ARHGEF12: variants seen among roughly 807,000 people sequenced by gnomAD.
ARHGEF12 encodes KMT2A/ARHGEF12 fusion protein.
Under a neutral mutation model 211.2 loss-of-function variants are expected in ARHGEF12, and 66 were observed. That is an observed-to-expected ratio of 0.31 (90% CI 0.26 to 0.38). The LOEUF (loss-of-function observed/expected upper bound fraction) is 0.38, where lower values mean the gene tolerates loss of function less well. Ranked by LOEUF, ARHGEF12 falls within the 10% of genes least tolerant of loss-of-function variation. The pLI is 1.00. For synonymous variants in ARHGEF12, 592 were observed against 638.4 expected, an observed-to-expected ratio of 0.93 and a Z score of 1.09; for missense variants, 1,429 against 1,869.5, an observed-to-expected ratio of 0.76 and a Z score of 4.34.
In ARHGEF12 at chr11:120,428,185, TCTC is replaced by T; in HGVS notation, c.527_529del (p.Pro176del). 6.2e-7 allele frequency: 1 copy of T among 1,611,862 alleles called. No homozygotes were observed. Among genetic ancestry groups the T allele is most frequent in the Non-Finnish European group, 8.5e-7 (1 of 1,179,118 alleles). On this transcript the variant is annotated inframe_deletion, in exon 8 of 41. Transcript: ENST00000397843. ...TGGACATATGTCTCCCATCATGACA[TCTC>T]CTCATTCACCTGGAGCATCTGGGAA... is the stretch of plus-strand genomic sequence containing the variant.
At chr11:120,460,642 A>G in intron 26 of ARHGEF12, 30 bp from the exon 27 acceptor site, 2 of 1,584,966 alleles carry the variant, frequency 1.3e-6, no homozygotes, top group Non-Finnish European at 1.7e-6. Flanking sequence ...TGAATGTGTT[A>G]CTAACGTTTT....
chr11:120,472,406 A>C (rs1037610848), intron 30 of ARHGEF12, among the ~76,000 whole-genome samples: 1 of 152,188 alleles, frequency 6.6e-6, no homozygotes, highest in African/African-American at 2.4e-5. Flanking sequence ...GGGTGGGGCA[A>C]TAGGACAAGG....
At chr11:120,416,644 A>G (rs1166745491) in intron 4 of ARHGEF12, among the ~76,000 whole-genome samples, 1 of 152,068 alleles carries the variant, frequency 6.6e-6, no homozygotes, top group Non-Finnish European at 1.5e-5. Flanking sequence ...AAACTTAGAC[A>G]TAAATCATAA....
At position 120,351,447 on chromosome 11, in the gene ARHGEF12, A is replaced by T. The variant is rs1565420824; in HGVS notation, c.32+14172A>T. Among the ~76,000 whole-genome samples, 7 of 3,702 alleles carry T rather than the reference A, an allele frequency of 1.9e-3. 1 individual carries two copies. Among genetic ancestry groups the T allele is most frequent in the South Asian group, 0.029 (1 of 34 alleles). The allele number at this position is 3,702 out of a possible 152,430, so 2.4% of individuals were successfully genotyped here. A position where few individuals can be genotyped will look rare whatever the true frequency, so the allele number is the denominator to read the frequency against. On this transcript the variant is annotated intron_variant, in intron 1 of 40. Coordinates refer to ENST00000397843, the MANE Select transcript of ARHGEF12 (RefSeq NM_015313.3). ...TATATATATATATATATATATATATATATATATATTTTTTTTTTTTTTTTT... is the reference window on the plus strand; with the variant it reads ...TATATATATATATATATATATATATTTATATATATTTTTTTTTTTTTTTTT...
intron 1 of ARHGEF12, among the ~76,000 whole-genome samples, chr11:120,342,120 AT>A (rs1942555152): frequency 6.6e-6 from 1 of 151,584 alleles, no homozygotes. Context: ...CAAGTCCCCC[AT>A]TGTTTTTTTT....
intron 1 of ARHGEF12, among the ~76,000 whole-genome samples, chr11:120,379,981 G>C (rs1943834460): frequency 6.6e-6 from 1 of 151,994 alleles, no homozygotes; most frequent in Non-Finnish European, 1.5e-5. Context: ...AAATTTTTTG[G>C]GAAGTGTCAT....
Position 120,476,934 on chromosome 11 carries a change from T to A in ARHGEF12, c.3365+186T>A, listed in dbSNP as rs184950137. 9 of 597,500 alleles carry A rather than the reference T, an allele frequency of 1.5e-5. No individual in the cohort carries two copies. In the East Asian group the frequency reaches 2.2e-4, roughly 15 times the overall value. 37.0% of individuals were successfully genotyped at this position (597,500 alleles called of 1,614,324 possible). The stretch of plus-strand genomic sequence containing the variant: ...GATGCCTTTTATTTTGATTCTATTC[T>A]GAAAGTTTATTTCCTAAAGAAAAAA... On this transcript the variant is annotated intron_variant, in intron 34 of 40. Transcript: ENST00000397843.
At chr11:120,441,427 A>G (rs1270656304) in intron 13 of ARHGEF12, among the ~76,000 whole-genome samples, 1 of 152,160 alleles carries the variant, frequency 6.6e-6, no homozygotes, top group Non-Finnish European at 1.5e-5. Context: ...TGTTTTTTAC[A>G]TACTGATTTG....
intron 26 of ARHGEF12, among the ~76,000 whole-genome samples, chr11:120,459,754 G>A (rs773594580): frequency 6.6e-6 from 1 of 152,158 alleles, no homozygotes; most frequent in Non-Finnish European, 1.5e-5. Context: ...TGTTGCCCAA[G>A]CTGGAGTGCA....
chr11:120,373,947 A>G (rs1307448289), intron 1 of ARHGEF12, among the ~76,000 whole-genome samples: 1 of 152,146 alleles, frequency 6.6e-6, no homozygotes. Flanking sequence ...AGCTGGGATT[A>G]CAGGCATGCA....
chr11:120,385,905 A>C (rs1294325941), intron 1 of ARHGEF12, among the ~76,000 whole-genome samples: 3 of 152,032 alleles, frequency 2.0e-5, no homozygotes, highest in Non-Finnish European at 4.4e-5. Context: ...ATGCTTCAGG[A>C]TGGTTGTTTC....
chr11:120,409,298 T>C, intron 3 of ARHGEF12, 96 bp from the exon 4 acceptor site: 2 of 1,251,806 alleles, frequency 1.6e-6, no homozygotes, highest in Non-Finnish European at 2.3e-6. Flanking sequence ...ACGATTTAAC[T>C]TGATCATGAT....
rs183438809 is a variant in ARHGEF12 at position 120,339,260 on chromosome 11, A to G, written c.32+1985A>G. On this transcript the variant is annotated intron_variant, in intron 1 of 40. Coordinates refer to ENST00000397843, the MANE Select transcript of ARHGEF12 (RefSeq NM_015313.3). ...TATTAAGAATTATTCTTATTTGACC[A>G]CATTTAAATATATTTTGTAAATATA... is the stretch of plus-strand genomic sequence containing the variant. Among the ~76,000 whole-genome samples, 4 of 152,038 alleles carry G rather than the reference A, an allele frequency of 2.6e-5. No individual in the cohort carries two copies. In the East Asian group the frequency reaches 7.7e-4, roughly 29 times the overall value.
At chr11:120,434,414 C>A (rs1452421104) in intron 11 of ARHGEF12, among the ~76,000 whole-genome samples, 2 of 152,182 alleles carry the variant, frequency 1.3e-5, no homozygotes, top group Admixed American at 6.5e-5. Context: ...GCTAGGCTAT[C>A]TTCTGAACAC....
Position 120,478,222 on chromosome 11 carries a change from C to T in ARHGEF12, c.3599C>T (p.Ser1200Phe). The change falls in exon 37 of 41, where the codon TCT (serine) becomes TTT (phenylalanine). Residue 1200 changes from serine to phenylalanine, a missense_variant. Physicochemically the swap from Ser to Phe is radical, Grantham distance 155. Transcript: ENST00000397843. ...CCTCAGTCTCATTCACTGAGTACCT[C>T]TGGGAAATCAGAGGTACGTGATCTG... is the stretch of plus-strand genomic sequence containing the variant. ...SKPQSHSLST[S>F]GKSEVRDLFV... The T allele has an allele frequency of 3.1e-6, 5 of 1,614,138 alleles. No homozygotes were observed. The highest frequency in any genetic ancestry group is 4.2e-6 in the Non-Finnish European group (5 of 1,180,034).
At chr11:120,340,469 G>A (rs900392354) in intron 1 of ARHGEF12, among the ~76,000 whole-genome samples, 4 of 152,108 alleles carry the variant, frequency 2.6e-5, no homozygotes, top group African/African-American at 9.7e-5. Context: ...ACTGAATTCA[G>A]CTTTGAGCTG....
At chr11:120,471,223 A>G (rs1946854609) in intron 30 of ARHGEF12, among the ~76,000 whole-genome samples, 1 of 152,196 alleles carries the variant, frequency 6.6e-6, no homozygotes, top group African/African-American at 2.4e-5. Flanking sequence ...GAATTTATCA[A>G]CAGAATGGAT....
intron 7 of ARHGEF12, among the ~76,000 whole-genome samples, chr11:120,424,737 A>G (rs1014114766): frequency 2.0e-5 from 3 of 152,206 alleles, no homozygotes; most frequent in African/African-American, 4.8e-5. Flanking sequence ...TGTCAACTCC[A>G]TTTATATGGT....
chr11:120,440,299 T>A, intron 13 of ARHGEF12, 78 bp downstream of exon 13: 1 of 1,168,048 alleles, frequency 8.6e-7, no homozygotes, highest in Non-Finnish European at 1.3e-6. Context: ...GAGCACGTTC[T>A]GGAGATTAAG....
Sources: allele counts gnomAD v4.1 joint callset (sites outside exome capture counted in the v4.1 genomes callset), GRCh38; gene constraint gnomAD v4.1.1; transcripts MANE v1.5; gene names NCBI Gene and HGNC (gene_info 2026-07-23, HGNC 2026-07-21).